The following CCDC47 variants were observed in gnomAD, a reference collection of about 807,000 sequenced individuals.
The protein encoded by CCDC47 is coiled-coil domain containing 47, also known as PAT complex subunit CCDC47.
CCDC47 carries 41 observed loss-of-function variants against 60.5 expected under a neutral mutation model. The observed-to-expected ratio is 0.68, with a 90% CI of 0.53 to 0.88. The LOEUF (loss-of-function observed/expected upper bound fraction) is 0.88, where lower values mean the gene tolerates loss of function less well. Among genes scored for constraint, CCDC47 ranks in the 40% least tolerant of loss-of-function variants. CCDC47 has a pLI of 0.00. For synonymous variants in CCDC47, 195 were observed against 190.7 expected, an observed-to-expected ratio of 1.02 and a Z score of -0.18; for missense variants, 513 against 580.9, an observed-to-expected ratio of 0.88 and a Z score of 1.20.
intron 8 of CCDC47, 66 bp from the exon 9 acceptor site, chr17:63,754,584 AT>A: frequency 5.7e-6 from 6 of 1,051,980 alleles, no homozygotes; most frequent in Non-Finnish European, 8.5e-6. Flanking sequence ...TTTCCTAAAG[AT>A]ATTCACTCTT....
At chr17:63,752,602 A>G (rs772740080) in intron 10 of CCDC47, 139 bp downstream of exon 10, 26 of 908,688 alleles carry the variant, frequency 2.9e-5, no homozygotes, top group Non-Finnish European at 3.9e-5. Flanking sequence ...TTCTTCTTGA[A>G]GAAATCTGGA....
At chr17:63,767,716 T>TA (rs1368463815) in intron 1 of CCDC47, among the ~76,000 whole-genome samples, 15 of 151,918 alleles carry the variant, frequency 9.9e-5, no homozygotes, top group Admixed American at 4.6e-4. Flanking sequence ...GTTCTTTTTT[T>TA]AAAAAAAACT....
intron 12 of CCDC47, 89 bp from the exon 13 acceptor site, chr17:63,747,050 A>G: frequency 1.3e-6 from 2 of 1,538,780 alleles, no homozygotes; most frequent in Non-Finnish European, 1.8e-6. Context: ...AAAAAAATCC[A>G]AATTAGAATA....
intron 10 of CCDC47, 62 bp from the exon 11 acceptor site, chr17:63,752,491 C>A: frequency 2.6e-6 from 3 of 1,161,890 alleles, no homozygotes; most frequent in South Asian, 1.5e-5. Flanking sequence ...CCAGGTCACC[C>A]AACTCTTTTT....
chr17:63,772,861 C>T (rs1381007896), intron 1 of CCDC47: 1 of 152,272 alleles, frequency 6.6e-6, no homozygotes, highest in African/African-American at 2.4e-5. Flanking sequence ...GCCTCTATGA[C>T]TCCTGAAGCA....
intron 1 of CCDC47, chr17:63,766,743 T>C: frequency 1.3e-6 from 1 of 793,782 alleles, no homozygotes; most frequent in Non-Finnish European, 1.5e-6. Flanking sequence ...TTAATTTCTT[T>C]AGGTTGGGTT....
intron 8 of CCDC47, chr17:63,755,460 GA>G (rs1285016536): frequency 0.37 from 28,646 of 78,260 alleles, 2,980 homozygotes; most frequent in Middle Eastern, 0.48. Flanking sequence ...TCTCTACTAA[GA>G]AAAAAAAAAA....
chr17:63,757,193 T>C (rs1258598987), intron 6 of CCDC47, among the ~76,000 whole-genome samples: 1 of 126,334 alleles, frequency 7.9e-6, no homozygotes, highest in African/African-American at 3.0e-5. Flanking sequence ...GGACCCCATC[T>C]GTACAAAAAA....
chr17:63,772,100 T>A (rs2039347183), intron 1 of CCDC47, among the ~76,000 whole-genome samples: 1 of 151,724 alleles, frequency 6.6e-6, no homozygotes. Flanking sequence ...AGATAAATAA[T>A]AAAATAAAAT....
chr17:63,768,429 T>C (rs2039312153), intron 1 of CCDC47, among the ~76,000 whole-genome samples: 1 of 148,934 alleles, frequency 6.7e-6, no homozygotes, highest in Non-Finnish European at 1.5e-5. Flanking sequence ...GGCTCTCCCC[T>C]GTAATCCCAG....
intron 6 of CCDC47, among the ~76,000 whole-genome samples, chr17:63,759,404 G>T (rs562588423): frequency 7.0e-6 from 1 of 143,676 alleles, no homozygotes; most frequent in African/African-American, 2.6e-5. Flanking sequence ...CAGGAAAATC[G>T]CTTGAACCCT....
rs1367674715 is a variant in CCDC47, at chr17:63,745,345, T to C, written c.*1536A>G. 6.6e-6 allele frequency: 1 copy of C among 152,624 alleles called. No individual in the cohort carries two copies. The allele number at this position is 152,624 out of a possible 1,614,324, so 9.5% of individuals were successfully genotyped here. ...CTGCCATGGTCCAAATGTATGGGAC[T>C]TTAGGAAAGCTTTTCTTACTCAAAA... On this transcript the variant is annotated 3_prime_UTR_variant, in exon 13 of 13. Coordinates refer to ENST00000225726, the MANE Select transcript of CCDC47 (RefSeq NM_020198.3).
At position 63,756,309 on chromosome 17, in the gene CCDC47, A is replaced by G; in HGVS notation, c.879T>C (p.Tyr293=). The G allele has an allele frequency of 1.2e-6, 2 of 1,614,204 alleles. No individual in the cohort carries two copies. The highest frequency in any genetic ancestry group is 1.1e-5 in the South Asian group (1 of 91,088). The change falls in exon 8 of 13, where the codon TAT becomes TAC. Residue 293 remains tyrosine, a synonymous_variant. Transcript: ENST00000225726. ...CSDKPKSGAK[Y]GLPDSLAILS... is the part of the protein sequence containing the mutation. ...GGATGGCCAAAGAGTCCGGCAGTCC[A>G]TACTTTGCTCCAGACTTAGGTTTAT...
intron 12 of CCDC47, among the ~76,000 whole-genome samples, chr17:63,751,141 A>C (rs1297423991): frequency 6.6e-6 from 1 of 151,160 alleles, no homozygotes; most frequent in East Asian, 1.9e-4. Context: ...TAGCCTCCCA[A>C]AGTGCTGGGA....
At chr17:63,753,163 C>T (rs767275457) in intron 9 of CCDC47, 22 of 533,122 alleles carry the variant, frequency 4.1e-5, no homozygotes, top group African/African-American at 6.2e-5. Flanking sequence ...TTATTTCCAA[C>T]TCCTATTCTA....
chr17:63,771,056 G>GAAAGAAAT (rs1385825550), intron 1 of CCDC47, among the ~76,000 whole-genome samples: 1 of 149,506 alleles, frequency 6.7e-6, no homozygotes, highest in African/African-American at 2.5e-5. Flanking sequence ...AAGAAAGAAA[G>GAAAGAAAT]AAAGAAATTA....
chr17:63,750,375 C>T (rs1321407942), intron 12 of CCDC47, among the ~76,000 whole-genome samples: 1 of 151,846 alleles, frequency 6.6e-6, no homozygotes, highest in Non-Finnish European at 1.5e-5. Flanking sequence ...TCAAATAAAA[C>T]AAAAAAATGA....
intron 6 of CCDC47, among the ~76,000 whole-genome samples, chr17:63,759,783 A>T (rs1285299983): frequency 1.3e-5 from 2 of 150,530 alleles, no homozygotes; most frequent in Non-Finnish European, 3.0e-5. Flanking sequence ...AAGAATGAAG[A>T]GGCCGGGTGC....
At chr17:63,770,183 G>A (rs886180010) in intron 1 of CCDC47, among the ~76,000 whole-genome samples, 3 of 151,850 alleles carry the variant, frequency 2.0e-5, no homozygotes, top group East Asian at 3.9e-4. Flanking sequence ...GGTTGGTCTC[G>A]AACTCCTGAC....
Sources: gnomAD v4.1 joint callset for allele counts (sites outside exome capture counted in the v4.1 genomes callset) on GRCh38, gnomAD v4.1.1 for gene constraint, MANE v1.5 for transcripts, NCBI Gene and HGNC (gene_info 2026-07-23, HGNC 2026-07-21) for gene names.